The following SOCS2 variants were observed in gnomAD, a reference collection of about 807,000 sequenced individuals.
SOCS2 encodes the protein suppressor of cytokine signaling 2.
A neutral mutation model predicts 18.6 loss-of-function variants in SOCS2; 10 were observed. The observed-to-expected ratio is 0.54, with a 90% CI of 0.33 to 0.91. The LOEUF (loss-of-function observed/expected upper bound fraction) is 0.91. Among genes scored for constraint, SOCS2 ranks in the 40% least tolerant of loss-of-function variants. The pLI is 0.02. For synonymous variants in SOCS2, 104 were observed against 104.0 expected (o/e 1.00, Z 0.00); for missense variants, 231 against 247.2 (o/e 0.93, Z 0.44).
chr12:93,574,035 T>C (rs1397097235), intron 1 of SOCS2: 1 of 152,170 alleles, frequency 6.6e-6, no homozygotes, highest in Non-Finnish European at 1.5e-5. Context: ...TTAGGGAAGA[T>C]TGTAAACTTG....
the SOCS2 span, among the ~76,000 whole-genome samples, chr12:93,604,692 T>C: frequency 6.6e-6 from 1 of 152,072 alleles, no homozygotes; most frequent in Non-Finnish European, 1.5e-5. Flanking sequence ...CAGGGTTTCG[T>C]TTTGTCGCCC....
the SOCS2 span, among the ~76,000 whole-genome samples, chr12:93,615,961 C>T: frequency 1.3e-5 from 2 of 152,198 alleles, no homozygotes; most frequent in African/African-American, 4.8e-5. Flanking sequence ...TACAGATAAA[C>T]CAGGCTCAGA....
At chr12:93,573,079 T>TC (rs1259507118) in intron 1 of SOCS2, 43 bp downstream of exon 1, 3 of 1,543,844 alleles carry the variant, frequency 1.9e-6, no homozygotes, top group East Asian at 2.4e-5. Flanking sequence ...AGGGAGCGCC[T>TC]CCCCAAGGAA....
chr12:93,618,414 C>T, the SOCS2 span, among the ~76,000 whole-genome samples: 15 of 152,262 alleles, frequency 9.9e-5, no homozygotes, highest in South Asian at 8.3e-4. Context: ...CCAAGCCCTT[C>T]GAAGACTTCC....
the SOCS2 span, among the ~76,000 whole-genome samples, chr12:93,595,596 G>A: frequency 6.6e-6 from 1 of 152,124 alleles, no homozygotes. Context: ...GCTTTCATTC[G>A]TGTTAAATTC....
At chr12:93,620,357 C>T in the SOCS2 span, among the ~76,000 whole-genome samples, 1 of 152,060 alleles carries the variant, frequency 6.6e-6, no homozygotes, top group South Asian at 2.1e-4. Context: ...GGATGGCATC[C>T]CCCATCGCCT....
the SOCS2 span, among the ~76,000 whole-genome samples, chr12:93,598,447 G>A: frequency 6.6e-6 from 1 of 152,156 alleles, no homozygotes; most frequent in South Asian, 2.1e-4. Flanking sequence ...GCAGGGTCAT[G>A]CCATAGTTAT....
chr12:93,620,660 C>T, the SOCS2 span, among the ~76,000 whole-genome samples: 2 of 152,186 alleles, frequency 1.3e-5, no homozygotes, highest in African/African-American at 2.4e-5. Context: ...GTGATCCACC[C>T]GCCTCAGTCT....
At chr12:93,591,726 G>T in the SOCS2 span, among the ~76,000 whole-genome samples, 1 of 152,188 alleles carries the variant, frequency 6.6e-6, no homozygotes, top group Non-Finnish European at 1.5e-5. Context: ...AGCGTCGGCA[G>T]CAAGGAGCCG....
At chr12:93,592,917 CTTTT>C in the SOCS2 span, among the ~76,000 whole-genome samples, 95 of 107,334 alleles carry the variant, frequency 8.9e-4, no homozygotes, top group East Asian at 1.9e-3. Context: ...ACTGAGAAAG[CTTTT>C]TTTTTTTTTT....
downstream of SOCS2, among the ~76,000 whole-genome samples, chr12:93,587,037 G>A (rs941132493): frequency 6.6e-6 from 1 of 152,160 alleles, no homozygotes; most frequent in Non-Finnish European, 1.5e-5. Context: ...GTGTGATGGC[G>A]TGTGCCTGTA....
chr12:93,597,198 C>A, the SOCS2 span, among the ~76,000 whole-genome samples: 1 of 152,244 alleles, frequency 6.6e-6, no homozygotes, highest in South Asian at 2.1e-4. Flanking sequence ...TTGGCGTAAC[C>A]ACCACTGAAA....
At chr12:93,577,518 CT>C (rs751932008), downstream of SOCS2, among the ~76,000 whole-genome samples, 7,013 of 139,134 alleles carry the variant, frequency 0.05, 182 homozygotes, top group African/African-American at 0.083. Context: ...TATCCTAGCT[CT>C]TTTTTTTTTT....
At chr12:93,614,865 C>T in the SOCS2 span, among the ~76,000 whole-genome samples, 7 of 151,134 alleles carry the variant, frequency 4.6e-5, no homozygotes, top group Non-Finnish European at 7.4e-5. Context: ...CCATCCGCCT[C>T]GGCCTCCCAA....
chr12:93,608,690 AATGCG>A, the SOCS2 span, among the ~76,000 whole-genome samples: 2 of 152,298 alleles, frequency 1.3e-5, no homozygotes, highest in African/African-American at 4.8e-5. Flanking sequence ...TATTTCTGAC[AATGCG>A]ATGTCTTATT....
chr12:93,614,474 C>CTTTCTTT, the SOCS2 span, among the ~76,000 whole-genome samples: 2 of 81,222 alleles, frequency 2.5e-5, 1 homozygote, highest in African/African-American at 1.7e-4. Flanking sequence ...TTCCTTCCTT[C>CTTTCTTT]CTTCCTTTCC....
the SOCS2 span, among the ~76,000 whole-genome samples, chr12:93,608,886 G>T: frequency 6.6e-6 from 1 of 152,152 alleles, no homozygotes; most frequent in Non-Finnish European, 1.5e-5. Flanking sequence ...CTTTAAGCAG[G>T]TCACTAAGTT....
chr12:93,614,362 CTTCTTTCTTTCTTTCTTTCTTTCTTTCT>C, the SOCS2 span, among the ~76,000 whole-genome samples: 64 of 79,468 alleles, frequency 8.1e-4, 1 homozygote, highest in Admixed American at 6.0e-3. Flanking sequence ...AGCAATTTTC[CTTCTTTCTTTCTTTCTTTCTTTCTTTCT>C]TTCTTTCTTT....
At chr12:93,624,606 T>C in the SOCS2 span, among the ~76,000 whole-genome samples, 10 of 152,072 alleles carry the variant, frequency 6.6e-5, no homozygotes, top group African/African-American at 2.2e-4. Flanking sequence ...TAATTACCAG[T>C]TCTTAGGTGT....
Sources: allele counts gnomAD v4.1 joint callset (sites outside exome capture counted in the v4.1 genomes callset), GRCh38; gene constraint gnomAD v4.1.1; transcripts MANE v1.5; gene names NCBI Gene and HGNC (gene_info 2026-07-23, HGNC 2026-07-21).